BCAS3: variants seen among roughly 807,000 people sequenced by gnomAD.
The protein encoded by BCAS3 is BCAS3 microtubule associated cell migration factor.
BCAS3 carries 53 observed loss-of-function variants against 116.1 expected under a neutral mutation model. The observed-to-expected ratio is 0.46, with a 90% CI of 0.37 to 0.57. The LOEUF (loss-of-function observed/expected upper bound fraction) is 0.57, where lower values mean the gene tolerates loss of function less well. Ranked by LOEUF, BCAS3 falls within the 20% of genes least tolerant of loss-of-function variation. BCAS3 has a pLI of 0.00. For missense variants in BCAS3, 917 were observed against 1,165.4 expected (o/e 0.79, Z 3.10); for synonymous variants, 391 against 408.2 (o/e 0.96, Z 0.51).
At chr17:60,702,942 A>G (rs1438073478) in intron 4 of BCAS3, among the ~76,000 whole-genome samples, 3 of 152,176 alleles carry the variant, frequency 2.0e-5, no homozygotes. Flanking sequence ...AGCAGGCACC[A>G]AAACCTTGCA....
intron 22 of BCAS3, among the ~76,000 whole-genome samples, chr17:61,292,104 G>C (rs1300867316): frequency 6.6e-6 from 1 of 152,130 alleles, no homozygotes; most frequent in Non-Finnish European, 1.5e-5. Flanking sequence ...GATCCTAGAA[G>C]ACTTGCCACA....
chr17:61,285,764 C>CTGCG lies in BCAS3; in HGVS notation c.2426-82562_2426-82559dup, dbSNP rs1031732020. ...GAGACAAGAGACTAGGAGCTAGGAG[C>CTGCG]TGCGGATCTGCAGTTTCCCAAAGGT... On this transcript the variant is annotated intron_variant, in intron 22 of 23. Coordinates refer to ENST00000407086, the MANE Select transcript of BCAS3 (RefSeq NM_017679.5). The surrounding 1 kb of genome is among the most constrained non-coding windows in gnomAD (Gnocchi z 5.4). Among the ~76,000 whole-genome samples, 1 of 152,208 alleles carries CTGCG rather than the reference C, an allele frequency of 6.6e-6. No individual in the cohort carries two copies. The highest frequency in any genetic ancestry group is 1.5e-5 in the Non-Finnish European group (1 of 68,038).
intron 22 of BCAS3, among the ~76,000 whole-genome samples, chr17:61,154,903 T>C (rs1244945965): frequency 1.3e-5 from 2 of 151,958 alleles, no homozygotes; most frequent in Non-Finnish European, 1.5e-5. Context: ...ATCCTTTTGA[T>C]CAAATGCAAC....
chr17:60,927,892 T>G (rs1020060548), intron 13 of BCAS3, among the ~76,000 whole-genome samples: 6 of 152,206 alleles, frequency 3.9e-5, no homozygotes, highest in African/African-American at 1.2e-4. Context: ...CTTATACTAC[T>G]TATATTTTAA....
rs1031033234 is a variant in BCAS3, at chr17:61,139,982, T to C, written c.2425+55418T>C. Among the ~76,000 whole-genome samples the C allele has an allele frequency of 3.9e-5, 6 of 152,158 alleles. No individual in the cohort carries two copies. Among genetic ancestry groups the C allele is most frequent in the African/African-American group, 1.4e-4 (6 of 41,430 alleles). On this transcript the variant is annotated intron_variant, in intron 22 of 23. Transcript: ENST00000407086. The surrounding 1 kb of genome is among the most constrained non-coding windows in gnomAD (Gnocchi z 4.7). ...CGGGCACAGTGGCTCACGCCTGTAA[T>C]CCCAGCACTTTGGGAGGCCGAGGTG...
chr17:61,081,314 C>T (rs1004591975), intron 21 of BCAS3, among the ~76,000 whole-genome samples: 3 of 152,092 alleles, frequency 2.0e-5, no homozygotes, highest in Non-Finnish European at 2.9e-5. Flanking sequence ...TCGTGGCCTC[C>T]TCAGCTTTCT....
At position 60,709,287 on chromosome 17, in the gene BCAS3, A is replaced by G; in HGVS notation, c.283A>G (p.Ile95Val). ...TGNEPPLLIMIGYSDGMQVWS... is the reference protein window; with the variant it reads ...TGNEPPLLIMVGYSDGMQVWS... ...GAATGAACCGCCTTTGTTGATTATG[A>G]TTGGCTACAGTGATGGAATGCAGGT... Residue 95 changes from isoleucine (I) to valine (V), a missense_variant, in exon 5 of 24, where the codon ATT (isoleucine) becomes GTT (valine). Transcript: ENST00000407086. 1.2e-6 allele frequency: 2 copies of G among 1,603,244 alleles called. No homozygotes were observed. The highest frequency in any genetic ancestry group is 8.5e-7 in the Non-Finnish European group (1 of 1,170,066).
chr17:60,750,014 A>C (rs1598440463), intron 6 of BCAS3, among the ~76,000 whole-genome samples: 1 of 152,096 alleles, frequency 6.6e-6, no homozygotes, highest in African/African-American at 2.4e-5. Context: ...AAAAATACAA[A>C]AAATTAGCCG....
rs763299746 is a variant in BCAS3, at chr17:61,230,959, C to CTT, written c.2426-137348_2426-137347dup. On this transcript the variant is annotated intron_variant, in intron 22 of 23. Transcript: ENST00000407086. The stretch of plus-strand genomic sequence containing the variant: ...AGCCTCGCCAGCAGCTAGTTTTTGC[C>CTT]TTTTTTTTTTTTTTTTTTTTTCTAA... 1.4e-3 allele frequency among the ~76,000 whole-genome samples: 165 copies of CTT among 121,838 alleles called. 1 individual carries two copies. Among genetic ancestry groups the CTT allele is most frequent in the Non-Finnish European group, 2.2e-3 (128 of 58,694 alleles). 79.9% of individuals were successfully genotyped at this position (121,838 alleles called of 152,430 possible).
chr17:60,697,602 A>C (rs897802053), intron 4 of BCAS3, among the ~76,000 whole-genome samples: 1 of 149,780 alleles, frequency 6.7e-6, no homozygotes, highest in African/African-American at 2.5e-5. Context: ...AAAAAAAAAA[A>C]AGATTCGGTT....
intron 22 of BCAS3, among the ~76,000 whole-genome samples, chr17:61,262,691 ATTT>A (rs556925842): frequency 3.0e-5 from 4 of 132,832 alleles, no homozygotes; most frequent in Admixed American, 7.6e-5. Flanking sequence ...AGGAGACTTA[ATTT>A]TTTTTTTTTT....
chr17:60,724,610 A>G (rs1430456869), intron 5 of BCAS3, among the ~76,000 whole-genome samples: 1 of 151,722 alleles, frequency 6.6e-6, no homozygotes, highest in African/African-American at 2.4e-5. Context: ...CTGTAAGCCC[A>G]GCTACTTGGG....
chr17:61,331,925 A>G (rs906233438), intron 22 of BCAS3, among the ~76,000 whole-genome samples: 1 of 152,110 alleles, frequency 6.6e-6, no homozygotes, highest in African/African-American at 2.4e-5. Flanking sequence ...TGAGCCCATG[A>G]TGGGCTCGAG....
intron 7 of BCAS3, among the ~76,000 whole-genome samples, chr17:60,858,978 T>TTTTA (rs1346725742): frequency 6.6e-6 from 1 of 152,208 alleles, no homozygotes; most frequent in African/African-American, 2.4e-5. Flanking sequence ...ATTATCGTCA[T>TTTTA]TTTATTTATT....
In BCAS3 at chr17:61,278,438, G is replaced by A. The variant is rs1199346202; in HGVS notation, c.2426-89889G>A. 6.6e-6 allele frequency among the ~76,000 whole-genome samples: 1 copy of A among 152,138 alleles called. No individual in the cohort carries two copies. Among genetic ancestry groups the A allele is most frequent in the African/African-American group, 2.4e-5 (1 of 41,444 alleles). On this transcript the variant is annotated intron_variant, in intron 22 of 23. Coordinates refer to ENST00000407086, the MANE Select transcript of BCAS3 (RefSeq NM_017679.5). The surrounding 1 kb of genome is among the most constrained non-coding windows in gnomAD (Gnocchi z 5.8). ...GATCCACCCACCTTGGCCTCCCACA[G>A]TGCTGGGTTTACAGGTGTGTGCCAC...
intron 22 of BCAS3, among the ~76,000 whole-genome samples, chr17:61,240,009 G>T (rs2047370120): frequency 6.6e-6 from 1 of 152,140 alleles, no homozygotes; most frequent in South Asian, 2.1e-4. Context: ...TTTGATTGGG[G>T]TTTTCTGTGT....
intron 5 of BCAS3, among the ~76,000 whole-genome samples, chr17:60,726,275 A>G (rs942915154): frequency 4.3e-5 from 6 of 140,032 alleles, no homozygotes; most frequent in African/African-American, 8.1e-5. Flanking sequence ...ATCTCGGCTC[A>G]CTGCAGCCTC....
rs2066275777 is a variant in BCAS3, at chr17:61,026,779, C to T, written c.1638-7887C>T. ...TTTTTTAGTTATTTTTATCCATACT[C>T]TATAACAGTATGATATACTTGTATT... On this transcript the variant is annotated intron_variant, in intron 16 of 23. Transcript: ENST00000407086. The surrounding 1 kb of genome is among the most constrained non-coding windows in gnomAD (Gnocchi z 5.0). 2.0e-5 allele frequency: 25 copies of T among 1,236,392 alleles called. No individual in the cohort carries two copies. The highest frequency in any genetic ancestry group is 2.6e-5 in the Non-Finnish European group (22 of 860,422). The allele number at this position is 1,236,392 out of a possible 1,614,324, so 76.6% of individuals were successfully genotyped here.
intron 12 of BCAS3, among the ~76,000 whole-genome samples, chr17:60,912,314 G>A (rs1239583212): frequency 1.3e-5 from 2 of 152,054 alleles, no homozygotes; most frequent in Non-Finnish European, 2.9e-5. Context: ...TAGAAACTAT[G>A]TGAGCTGTTA....
Sources: gnomAD v4.1 joint callset for allele counts (sites outside exome capture counted in the v4.1 genomes callset) on GRCh38, gnomAD v4.1.1 for gene constraint, Gnocchi (gnomAD v3.1) non-coding constraint, MANE v1.5 for transcripts, NCBI Gene and HGNC (gene_info 2026-07-23, HGNC 2026-07-21) for gene names.